The following LRRC8D variants were observed in gnomAD, a reference collection of about 807,000 sequenced individuals.
The protein encoded by LRRC8D is volume-regulated anion channel subunit LRRC8D.
Under a neutral mutation model 55.8 loss-of-function variants are expected in LRRC8D, and 20 were observed. That is an observed-to-expected ratio of 0.36 (90% CI 0.25 to 0.52). The LOEUF is 0.52. Ranked by LOEUF, LRRC8D falls within the 20% of genes least tolerant of loss-of-function variation. The probability of loss-of-function intolerance (pLI) is 0.93; values close to 1 mark genes in which losing one functional copy is unlikely to be tolerated. For synonymous variants in LRRC8D, 352 were observed against 377.0 expected (o/e 0.93, Z 0.77); for missense variants, 651 against 1,030.8 (o/e 0.63, Z 5.05).
At chr1:89,897,549 T>A (rs1324763216) in intron 2 of LRRC8D, among the ~76,000 whole-genome samples, 4 of 152,206 alleles carry the variant, frequency 2.6e-5, no homozygotes, top group Non-Finnish European at 5.9e-5. Context: ...TATTGCACAA[T>A]CTTAATCCCA....
intron 1 of LRRC8D, among the ~76,000 whole-genome samples, chr1:89,829,756 CTGTTGGTAAAACT>C (rs778006202): frequency 1.3e-5 from 2 of 152,204 alleles, no homozygotes; most frequent in African/African-American, 2.4e-5. Context: ...AAGTATGAGC[CTGTTGGTAAAACT>C]ACTTGAATGA....
At chr1:89,846,461 T>C (rs987705827) in intron 2 of LRRC8D, 3 of 152,138 alleles carry the variant, frequency 2.0e-5, no homozygotes, top group Non-Finnish European at 2.9e-5. Context: ...TATTAGTAAA[T>C]GGAGTTGTTG....
chr1:89,825,350 A>G (rs1479158356), intron 1 of LRRC8D, among the ~76,000 whole-genome samples: 1 of 152,244 alleles, frequency 6.6e-6, no homozygotes, highest in Non-Finnish European at 1.5e-5. Context: ...CACCTGGGGT[A>G]CCATTTTGAA....
intron 2 of LRRC8D, among the ~76,000 whole-genome samples, chr1:89,858,175 G>A (rs1294593145): frequency 1.3e-5 from 2 of 152,220 alleles, no homozygotes; most frequent in East Asian, 3.8e-4. Flanking sequence ...ATTGCCGTGA[G>A]CAGAGATGTC....
rs113555890 is a variant in LRRC8D, at chr1:89,924,727, A to G, written c.-2-8340A>G. Reference sequence around the variant, plus strand: ...TGGTACATATACACCATGGAATACTATGCAACCATAGAAAAGAATATATCA... The same window carrying G: ...TGGTACATATACACCATGGAATACTGTGCAACCATAGAAAAGAATATATCA... On this transcript the variant is annotated intron_variant, in intron 2 of 2. Coordinates refer to ENST00000337338, the MANE Select transcript of LRRC8D (RefSeq NM_001134479.2). Among the ~76,000 whole-genome samples, 444 of 152,276 alleles carry G rather than the reference A, an allele frequency of 2.9e-3. 4 individuals are homozygous for G. The highest frequency in any genetic ancestry group is 9.5e-3 in the African/African-American group (394 of 41,556).
rs191717944 is a variant in LRRC8D at position 89,897,698 on chromosome 1, T to A, written c.-2-35369T>A. Among the ~76,000 whole-genome samples, 639 of 152,214 alleles carry A rather than the reference T, an allele frequency of 4.2e-3. 11 individuals are homozygous for A. The highest frequency in any genetic ancestry group is 0.014 in the African/African-American group (592 of 41,504). On this transcript the variant is annotated intron_variant, in intron 2 of 2. Transcript: ENST00000337338. ...CTATCAGGCATATATTAACTTTTTT[T>A]AAAAAAGGTTATTTTTAATAACCTG...
At chr1:89,867,027 TATACC>T (rs1661869367) in intron 2 of LRRC8D, among the ~76,000 whole-genome samples, 1 of 152,206 alleles carries the variant, frequency 6.6e-6, no homozygotes, top group Non-Finnish European at 1.5e-5. Flanking sequence ...ATATAATTCA[TATACC>T]ATACAATTGG....
In LRRC8D at chr1:89,911,480, G is replaced by T. The variant is rs1485415354; in HGVS notation, c.-2-21587G>T. On this transcript the variant is annotated intron_variant, in intron 2 of 2. Transcript: ENST00000337338. This position sits in a 1 kb window ranked among gnomAD's most constrained non-coding sequence, Gnocchi z 4.0. Reference sequence around the variant, plus strand: ...ATGTGTTTGTATAATTTGACTTTATGTTCAAAATAAGAAACAAGTAGCCGT... The same window carrying T: ...ATGTGTTTGTATAATTTGACTTTATTTTCAAAATAAGAAACAAGTAGCCGT... Among the ~76,000 whole-genome samples, 1 of 152,094 alleles carries T rather than the reference G, an allele frequency of 6.6e-6. No homozygotes were observed. The highest frequency in any genetic ancestry group is 1.5e-5 in the Non-Finnish European group (1 of 68,000).
intron 2 of LRRC8D, among the ~76,000 whole-genome samples, chr1:89,919,765 T>TTTTA (rs1467097402): frequency 2.6e-5 from 4 of 152,222 alleles, no homozygotes; most frequent in Non-Finnish European, 5.9e-5. Flanking sequence ...CCCTTGCTCT[T>TTTTA]TTTATGTTTC....
intron 1 of LRRC8D, among the ~76,000 whole-genome samples, chr1:89,840,346 C>T (rs146221570): frequency 6.6e-6 from 1 of 152,282 alleles, no homozygotes; most frequent in African/African-American, 2.4e-5. Context: ...GTTCAGGCCT[C>T]ATGGTAGTTA....
chr1:89,833,805 A>G (rs1435897944), intron 1 of LRRC8D: 1 of 152,116 alleles, frequency 6.6e-6, no homozygotes, highest in African/African-American at 2.4e-5. Context: ...GTTTGTGTTG[A>G]TCTGAACCCC....
chr1:89,918,657 A>G (rs951270003), intron 2 of LRRC8D, among the ~76,000 whole-genome samples: 10 of 152,214 alleles, frequency 6.6e-5, no homozygotes, highest in Non-Finnish European at 1.3e-4. Context: ...TAGTGAGGGT[A>G]TGCCCAAGCT....
At chr1:89,839,866 A>C (rs1661090763) in intron 1 of LRRC8D, among the ~76,000 whole-genome samples, 1 of 152,238 alleles carries the variant, frequency 6.6e-6, no homozygotes, top group Non-Finnish European at 1.5e-5. Context: ...TGATATTCAC[A>C]CAGAGAATTG....
intron 1 of LRRC8D, among the ~76,000 whole-genome samples, chr1:89,821,614 TTC>T (rs1371053747): frequency 6.6e-6 from 1 of 152,124 alleles, no homozygotes; most frequent in East Asian, 1.9e-4. Flanking sequence ...GCGCGCTCCC[TTC>T]TCTCACCTCC....
chr1:89,933,532 A>T lies in LRRC8D; in HGVS notation c.464A>T (p.His155Leu). The change falls in exon 3 of 3, where the codon CAT becomes CTT. Residue 155 changes from histidine to leucine, a missense_variant. Physicochemically the swap from His to Leu is moderately conservative, Grantham distance 99. Transcript: ENST00000337338. This position sits in a 1 kb window ranked among gnomAD's most constrained non-coding sequence, Gnocchi z 7.0. ...GTATTTATTAATCAAATGTGTTACC[A>T]TCTGGCCCTTCCGTGGTATTCTAAG... ...QYVFINQMCY[H>L]LALPWYSKYF... 1 of 1,614,224 alleles carries T rather than the reference A, an allele frequency of 6.2e-7. No homozygotes were observed. The highest frequency in any genetic ancestry group is 8.5e-7 in the Non-Finnish European group (1 of 1,180,028).
At chr1:89,928,786 T>C (rs1191605024) in intron 2 of LRRC8D, among the ~76,000 whole-genome samples, 4 of 152,188 alleles carry the variant, frequency 2.6e-5, no homozygotes, top group African/African-American at 4.8e-5. Flanking sequence ...AAAACTACCA[T>C]TGACACTTCA....
intron 1 of LRRC8D, among the ~76,000 whole-genome samples, 200 bp downstream of exon 1, chr1:89,821,491 C>G (rs567825131): frequency 2.0e-5 from 3 of 152,284 alleles, no homozygotes; most frequent in Non-Finnish European, 4.4e-5. Context: ...TTTGCTGCCG[C>G]CAGGGCCTGG....
chr1:89,877,616 T>C (rs1457267041), intron 2 of LRRC8D, among the ~76,000 whole-genome samples: 4 of 152,148 alleles, frequency 2.6e-5, no homozygotes, highest in African/African-American at 9.7e-5. Flanking sequence ...TGCAGCCTGT[T>C]CCTAAAACGT....
intron 2 of LRRC8D, among the ~76,000 whole-genome samples, chr1:89,851,335 G>A (rs1183501521): frequency 6.6e-6 from 1 of 152,046 alleles, no homozygotes; most frequent in African/African-American, 2.4e-5. Context: ...GGACAACTTT[G>A]TCAGTTTCAG....
Sources: gnomAD v4.1 joint callset for allele counts (sites outside exome capture counted in the v4.1 genomes callset) on GRCh38, gnomAD v4.1.1 for gene constraint, Gnocchi (gnomAD v3.1) non-coding constraint, MANE v1.5 for transcripts, NCBI Gene and HGNC (gene_info 2026-07-23, HGNC 2026-07-21) for gene names.